The following COPS4 variants were observed in gnomAD, a reference collection of about 807,000 sequenced individuals.
COPS4 encodes COP9 signalosome subunit 4.
A neutral mutation model predicts 55.1 loss-of-function variants in COPS4; 8 were observed. The observed-to-expected ratio is 0.15, with a 90% confidence interval of 0.09 to 0.26. The LOEUF is 0.26. COPS4 is among the 10% of genes least tolerant of loss of function. The pLI is 1.00. For synonymous variants in COPS4, 185 were observed against 165.7 expected, an observed-to-expected ratio of 1.12 and a Z score of -0.90; for missense variants, 248 against 484.0, an observed-to-expected ratio of 0.51 and a Z score of 4.58.
chr4:83,056,761 T>G (rs1578713344), intron 4 of COPS4, among the ~76,000 whole-genome samples, 165 bp from the exon 5 acceptor site: 2 of 152,136 alleles, frequency 1.3e-5, no homozygotes, highest in African/African-American at 4.8e-5. Context: ...ATTGCACCAC[T>G]GCACTCCAGC....
intron 1 of COPS4, 75 bp downstream of exon 1, chr4:83,035,373 C>T: frequency 1.6e-6 from 2 of 1,260,740 alleles, no homozygotes; most frequent in East Asian, 3.3e-5. Context: ...TTAGGTTGGC[C>T]ACGGCTCTTG....
chr4:83,054,057 C>A (rs1400208980), intron 4 of COPS4, among the ~76,000 whole-genome samples: 1 of 151,524 alleles, frequency 6.6e-6, no homozygotes, highest in Admixed American at 6.6e-5. Context: ...TTAAAAATAT[C>A]TTTGGCCAGG....
At chr4:83,041,069 T>G (rs1040910399) in intron 1 of COPS4, among the ~76,000 whole-genome samples, 3 of 144,434 alleles carry the variant, frequency 2.1e-5, no homozygotes, top group Non-Finnish European at 3.0e-5. Flanking sequence ...TTGTTTTTTG[T>G]TTTTTTTTTT....
chr4:83,061,842 AC>A (rs1376679625), intron 6 of COPS4, among the ~76,000 whole-genome samples: 3 of 152,122 alleles, frequency 2.0e-5, no homozygotes, highest in Non-Finnish European at 4.4e-5. Context: ...CTGGCCAGTT[AC>A]GTCTTTTTGA....
At chr4:83,057,488 A>T (rs1731045886) in intron 6 of COPS4, 80 bp downstream of exon 6, 2 of 1,149,098 alleles carry the variant, frequency 1.7e-6, no homozygotes, top group South Asian at 3.6e-5. Flanking sequence ...TGGAAAATTT[A>T]GCAAGGAACT....
chr4:83,038,125 A>G (rs1388026455), intron 1 of COPS4, among the ~76,000 whole-genome samples: 1 of 152,224 alleles, frequency 6.6e-6, no homozygotes, highest in Non-Finnish European at 1.5e-5. Flanking sequence ...GATAGACTTT[A>G]TTGAGGATAG....
At chr4:83,047,736 T>TA (rs1195592766) in intron 2 of COPS4, among the ~76,000 whole-genome samples, 4 of 152,038 alleles carry the variant, frequency 2.6e-5, no homozygotes, top group African/African-American at 4.8e-5. Flanking sequence ...GGCCATGGCT[T>TA]ACGCCTGTAG....
intron 2 of COPS4, 59 bp downstream of exon 2, chr4:83,045,764 C>A: frequency 1.9e-6 from 2 of 1,065,796 alleles, no homozygotes; most frequent in Non-Finnish European, 2.8e-6. Flanking sequence ...CTTTAAAGTT[C>A]TCTCAAGCCT....
At chr4:83,060,753 G>A (rs543572930) in intron 6 of COPS4, among the ~76,000 whole-genome samples, 1 of 151,856 alleles carries the variant, frequency 6.6e-6, no homozygotes, top group East Asian at 1.9e-4. Flanking sequence ...CCTTGCTTGA[G>A]GCCAGGCACG....
In COPS4 at chr4:83,055,239, T is replaced by A. The variant is rs537824005; in HGVS notation, c.411-1687T>A. ...TTTTGAGTTATGTGAGGTCTTTAGT[T>A]ATGCACTCCTGGCATAAAATGTGAC... On this transcript the variant is annotated intron_variant, in intron 4 of 9. Coordinates refer to ENST00000264389, the MANE Select transcript of COPS4 (RefSeq NM_016129.3). 7.0e-4 allele frequency among the ~76,000 whole-genome samples: 106 copies of A among 152,336 alleles called. 3 individuals carry two copies. In the South Asian group the frequency reaches 0.022, roughly 31 times the overall value.
At chr4:83,036,869 A>G (rs1466065844) in intron 1 of COPS4, among the ~76,000 whole-genome samples, 4 of 152,216 alleles carry the variant, frequency 2.6e-5, no homozygotes, top group Non-Finnish European at 4.4e-5. Flanking sequence ...ATCAAAAGAA[A>G]TAGAGCTTTG....
chr4:83,059,181 T>A (rs1225127717), intron 6 of COPS4, among the ~76,000 whole-genome samples: 4 of 152,210 alleles, frequency 2.6e-5, no homozygotes, highest in African/African-American at 7.2e-5. Context: ...GAAGGAAAAT[T>A]AAAATTTTTC....
intron 6 of COPS4, among the ~76,000 whole-genome samples, chr4:83,058,540 GTTATC>G (rs1283720589): frequency 6.6e-5 from 10 of 152,252 alleles, no homozygotes; most frequent in Non-Finnish European, 1.5e-4. Flanking sequence ...TTATAGACTA[GTTATC>G]TTATTTATTT....
chr4:83,063,357 C>T (rs1731213579), intron 7 of COPS4, 111 bp downstream of exon 7: 1 of 703,954 alleles, frequency 1.4e-6, no homozygotes, highest in South Asian at 3.6e-5. Context: ...AACACTTCCT[C>T]ATAAAAAAAG....
chr4:83,075,492 A>G lies in COPS4; in HGVS notation c.*62A>G, dbSNP rs1731549622. 5.7e-6 allele frequency: 9 copies of G among 1,586,594 alleles called. No individual in the cohort carries two copies. The highest frequency in any genetic ancestry group is 3.4e-5 in the South Asian group (3 of 89,118). On this transcript the variant is annotated 3_prime_UTR_variant, in exon 10 of 10. Transcript: ENST00000264389. Reference sequence around the variant, plus strand: ...CCATGTTGTGCAGATCAGTTTCACTATCTCCAAAGCATTTGCATCATGACC... The same window carrying G: ...CCATGTTGTGCAGATCAGTTTCACTGTCTCCAAAGCATTTGCATCATGACC...
chr4:83,037,579 C>G (rs141812818), intron 1 of COPS4, among the ~76,000 whole-genome samples: 7 of 152,252 alleles, frequency 4.6e-5, no homozygotes, highest in African/African-American at 1.7e-4. Context: ...GATATTTATC[C>G]TTACAACAAC....
intron 1 of COPS4, among the ~76,000 whole-genome samples, chr4:83,039,244 G>C (rs1323445938): frequency 6.6e-6 from 1 of 152,134 alleles, no homozygotes. Context: ...CTGTGGATTG[G>C]CTGGCTTGTT....
chr4:83,056,292 A>T (rs559464607), intron 4 of COPS4, among the ~76,000 whole-genome samples: 1 of 152,206 alleles, frequency 6.6e-6, no homozygotes, highest in East Asian at 1.9e-4. Context: ...ATTTTAAAGG[A>T]TTCAAAGGAT....
At chr4:83,055,954 A>T in intron 4 of COPS4, among the ~76,000 whole-genome samples, 1 of 136,952 alleles carries the variant, frequency 7.3e-6, no homozygotes. Flanking sequence ...TTTGAGACGA[A>T]GTCTCACTCT....
Sources: allele counts gnomAD v4.1 joint callset (sites outside exome capture counted in the v4.1 genomes callset), GRCh38; gene constraint gnomAD v4.1.1; transcripts MANE v1.5; gene names NCBI Gene and HGNC (gene_info 2026-07-23, HGNC 2026-07-21).